Variants in RBFOX1 observed in about 807,000 individuals in gnomAD.
RBFOX1 encodes the protein RNA binding fox-1 homolog 1.
In RBFOX1, 8 loss-of-function variants were observed where a neutral mutation model predicts 57.7. The observed-to-expected ratio is 0.14, with a 90% CI of 0.08 to 0.25. The LOEUF is 0.25. Among genes scored for constraint, RBFOX1 ranks in the 10% least tolerant of loss-of-function variants. The pLI, the probability that RBFOX1 is intolerant of heterozygous loss-of-function variation, is 1.00. For missense variants in RBFOX1, 611 were observed against 548.5 expected (o/e 1.11, Z -1.14); for synonymous variants, 326 against 222.4 (o/e 1.47, Z -4.15).
chr16:6,839,280 C>T (rs568822820), intron 3 of RBFOX1, among the ~76,000 whole-genome samples: 5 of 152,242 alleles, frequency 3.3e-5, no homozygotes, highest in East Asian at 1.9e-4. Flanking sequence ...CCACTGTGCC[C>T]GGCACATCAT....
At chr16:6,264,972 C>G (rs772027329) in intron 1 of RBFOX1, among the ~76,000 whole-genome samples, 2 of 152,170 alleles carry the variant, frequency 1.3e-5, no homozygotes, top group African/African-American at 4.8e-5. Context: ...CTGATAAGAG[C>G]AAACGCTTGA....
chr16:6,252,009 G>A (rs1167647316), intron 1 of RBFOX1, among the ~76,000 whole-genome samples: 2 of 152,002 alleles, frequency 1.3e-5, no homozygotes, highest in Non-Finnish European at 2.9e-5. Context: ...AACAAACTTA[G>A]GGTAAAGGAA....
intron 4 of RBFOX1, among the ~76,000 whole-genome samples, chr16:7,280,955 ACCTCCCTCCCTC>A (rs770289984): frequency 1.2e-4 from 11 of 88,516 alleles, no homozygotes; most frequent in Admixed American, 2.2e-4. Context: ...TTCCCTACCT[ACCTCCCTCCCTC>A]CCTCCCTCCC....
intron 1 of RBFOX1, among the ~76,000 whole-genome samples, chr16:5,363,499 C>T (rs1200851723): frequency 2.0e-5 from 3 of 152,162 alleles, no homozygotes; most frequent in Admixed American, 6.5e-5. Flanking sequence ...TCAAAAGTCC[C>T]ATGGGCTTCA....
intron 1 of RBFOX1, among the ~76,000 whole-genome samples, chr16:6,231,464 C>T (rs1186837563): frequency 2.0e-5 from 3 of 152,272 alleles, no homozygotes; most frequent in African/African-American, 4.8e-5. Context: ...TAGGGAGCCT[C>T]TTGGAGATAT....
chr16:6,274,310 C>T (rs1228131680), intron 1 of RBFOX1, among the ~76,000 whole-genome samples: 1 of 152,154 alleles, frequency 6.6e-6, no homozygotes, highest in South Asian at 2.1e-4. Context: ...ATATATTTCA[C>T]TGGGCGAATG....
At chr16:7,283,940 T>C (rs1365210540) in intron 4 of RBFOX1, among the ~76,000 whole-genome samples, 1 of 152,230 alleles carries the variant, frequency 6.6e-6, no homozygotes, top group Non-Finnish European at 1.5e-5. Context: ...GGCCTAGTTA[T>C]AGTTAGTCCC....
chr16:6,414,098 G>A (rs1034332428), intron 2 of RBFOX1, among the ~76,000 whole-genome samples: 2 of 152,164 alleles, frequency 1.3e-5, no homozygotes, highest in African/African-American at 4.8e-5. Flanking sequence ...AAAGGGGCTG[G>A]AGGAAGATGC....
chr16:7,399,281 C>G (rs1597444207), intron 4 of RBFOX1, among the ~76,000 whole-genome samples: 2 of 148,912 alleles, frequency 1.3e-5, no homozygotes, highest in South Asian at 2.1e-4. Flanking sequence ...AACCCCATCT[C>G]TACTAAAAAT....
At chr16:6,024,892 C>T (rs993735447) in intron 1 of RBFOX1, among the ~76,000 whole-genome samples, 1 of 152,214 alleles carries the variant, frequency 6.6e-6, no homozygotes, top group South Asian at 2.1e-4. Context: ...CATGCAGATA[C>T]CTTGTCCTAA....
chr16:5,367,984 A>G (rs1254214351), intron 1 of RBFOX1, among the ~76,000 whole-genome samples: 1 of 152,202 alleles, frequency 6.6e-6, no homozygotes, highest in Non-Finnish European at 1.5e-5. Context: ...ATGAGACGTT[A>G]TGGGTTCCAC....
chr16:6,007,003 A>G (rs945784432), intron 4 of RBFOX1, among the ~76,000 whole-genome samples: 1 of 151,586 alleles, frequency 6.6e-6, no homozygotes, highest in African/African-American at 2.4e-5. Context: ...ATGTGACAAT[A>G]TGGATTTACC....
At chr16:7,090,654 C>T (rs761327449) in intron 4 of RBFOX1, among the ~76,000 whole-genome samples, 13 of 151,834 alleles carry the variant, frequency 8.6e-5, no homozygotes, top group Non-Finnish European at 1.6e-4. Context: ...TTTATTTTCC[C>T]TGAGTGAGTA....
In RBFOX1 at chr16:5,588,369, GGA is replaced by G. The variant is rs1491100947; in HGVS notation, c.259-10532_259-10531del. 5.1e-3 allele frequency among the ~76,000 whole-genome samples: 774 copies of G among 152,080 alleles called. 6 individuals are homozygous for G. Among genetic ancestry groups the G allele is most frequent in the Middle Eastern group, 0.01 (3 of 294 alleles). On this transcript the variant is annotated intron_variant, in intron 2 of 2. Transcript: ENST00000585867. ...TAGGTGAATTAGCTCAATAAAGTTT[GGA>G]AAAAAAAATGACTGAGAATTGTGGC...
intron 3 of RBFOX1, among the ~76,000 whole-genome samples, chr16:7,025,711 G>A (rs1308339335): frequency 6.6e-6 from 1 of 151,926 alleles, no homozygotes; most frequent in Non-Finnish European, 1.5e-5. Context: ...CTGCCGCACT[G>A]CCAGTCAGGA....
rs373127490 is a variant in RBFOX1, at chr16:6,766,937, G to A, written c.-16+112287G>A. ...TGGCATGAAGCTCTGAATGCAGCCC[G>A]TGGTACTAGCCCTTGGTAAGTCGGG... is the stretch of plus-strand genomic sequence containing the variant. On this transcript the variant is annotated intron_variant, in intron 3 of 15. Transcript: ENST00000550418. Among the ~76,000 whole-genome samples the A allele has an allele frequency of 2.3e-4, 35 of 152,192 alleles. No individual in the cohort carries two copies. The South Asian group carries it at 5.6e-3, about 24-fold the overall frequency.
chr16:6,752,015 A>G (rs369127054), intron 3 of RBFOX1, among the ~76,000 whole-genome samples: 6 of 152,200 alleles, frequency 3.9e-5, no homozygotes, highest in African/African-American at 1.4e-4. Flanking sequence ...GGAATAGGTG[A>G]CTCAGTAACA....
chr16:7,343,569 A>T (rs2096938000), intron 4 of RBFOX1, among the ~76,000 whole-genome samples: 1 of 152,210 alleles, frequency 6.6e-6, no homozygotes, highest in Non-Finnish European at 1.5e-5. Flanking sequence ...GGGACTTTTC[A>T]GATTTTGTTA....
At chr16:6,583,628 G>C (rs145666198) in intron 2 of RBFOX1, among the ~76,000 whole-genome samples, 19 of 152,268 alleles carry the variant, frequency 1.2e-4, no homozygotes, top group African/African-American at 4.3e-4. Context: ...TTAGTTCTTT[G>C]CTCTCTGGCT....
Sources: gnomAD v4.1 joint callset for allele counts (sites outside exome capture counted in the v4.1 genomes callset) on GRCh38, gnomAD v4.1.1 for gene constraint, MANE v1.5 for transcripts, NCBI Gene and HGNC (gene_info 2026-07-23, HGNC 2026-07-21) for gene names.